The following SIPA1L3 variants were observed in gnomAD, a reference collection of about 807,000 sequenced individuals.
SIPA1L3 encodes signal-induced proliferation-associated 1-like protein 3.
SIPA1L3 carries 59 observed loss-of-function variants against 150.1 expected under a neutral mutation model. The ratio of observed to expected loss-of-function variants is 0.39; its 90% CI spans 0.32 to 0.49. The LOEUF (loss-of-function observed/expected upper bound fraction) is 0.49. Ranked by LOEUF, SIPA1L3 falls within the 20% of genes least tolerant of loss-of-function variation. The pLI is 0.86. For missense variants in SIPA1L3, 2,211 were observed against 2,489.5 expected, an observed-to-expected ratio of 0.89 and a Z score of 2.38; for synonymous variants, 1,070 against 1,077.6, an observed-to-expected ratio of 0.99 and a Z score of 0.14.
chr19:38,070,982 C>T (rs1362020377), intron 2 of SIPA1L3, among the ~76,000 whole-genome samples: 1 of 152,170 alleles, frequency 6.6e-6, no homozygotes, highest in Non-Finnish European at 1.5e-5. Flanking sequence ...GGTCCCTCTA[C>T]CTCTAAGCAA....
At chr19:38,181,800 T>C (rs1249212415) in intron 15 of SIPA1L3, among the ~76,000 whole-genome samples, 1 of 146,480 alleles carries the variant, frequency 6.8e-6, no homozygotes, top group Non-Finnish European at 1.5e-5. Context: ...GAGCTGAGAT[T>C]GCACCACTGC....
intron 17 of SIPA1L3, among the ~76,000 whole-genome samples, chr19:38,192,893 C>A (rs1343035961): frequency 1.3e-5 from 2 of 152,204 alleles, no homozygotes; most frequent in African/African-American, 2.4e-5. Flanking sequence ...CCCAGCGCTA[C>A]CCACTGGGGT....
chr19:38,132,906 C>T lies in SIPA1L3; in HGVS notation c.3143+2134C>T, dbSNP rs1971346746. Among the ~76,000 whole-genome samples the T allele has an allele frequency of 2.0e-5, 3 of 152,104 alleles. 1 individual carries two copies. In the South Asian group the frequency reaches 6.2e-4, roughly 32 times the overall value. ...CAGGTGTTCCACCCACCTCAGCCAC[C>T]CAAAGTGCTGGGATTACAGATGTGA... On this transcript the variant is annotated intron_variant, in intron 10 of 21. Coordinates refer to ENST00000222345, the MANE Select transcript of SIPA1L3 (RefSeq NM_015073.3).
At chr19:37,971,975 C>T (rs963168023) in intron 1 of SIPA1L3, among the ~76,000 whole-genome samples, 6 of 152,098 alleles carry the variant, frequency 3.9e-5, no homozygotes, top group Non-Finnish European at 8.8e-5. Flanking sequence ...TTTGCTTATC[C>T]AGGCATCACC....
At chr19:38,161,351 A>C (rs990993593) in intron 13 of SIPA1L3, among the ~76,000 whole-genome samples, 1 of 151,402 alleles carries the variant, frequency 6.6e-6, no homozygotes, top group South Asian at 2.1e-4. Flanking sequence ...AAAAAAAAAA[A>C]AAAAAAAAAA....
chr19:37,999,844 T>G (rs1967739744), intron 1 of SIPA1L3, among the ~76,000 whole-genome samples: 1 of 152,168 alleles, frequency 6.6e-6, no homozygotes, highest in Non-Finnish European at 1.5e-5. Flanking sequence ...AACCTAGCCC[T>G]GAATGAAGCT....
intron 2 of SIPA1L3, among the ~76,000 whole-genome samples, chr19:38,080,388 G>A (rs1204469444): frequency 1.3e-5 from 2 of 152,204 alleles, no homozygotes; most frequent in African/African-American, 4.8e-5. Context: ...CCACAGGACA[G>A]GTGACCCCTT....
intron 10 of SIPA1L3, among the ~76,000 whole-genome samples, chr19:38,134,622 A>G (rs1468123123): frequency 6.7e-6 from 1 of 149,312 alleles, no homozygotes; most frequent in East Asian, 2.0e-4. Context: ...CAGAAGAATC[A>G]CTTGAACCCA....
chr19:37,988,124 T>A (rs1338325057), intron 1 of SIPA1L3, among the ~76,000 whole-genome samples: 1 of 152,202 alleles, frequency 6.6e-6, no homozygotes. Context: ...TCCTGGTCTG[T>A]CCTCTGCACT....
At position 38,182,680 on chromosome 19, in the gene SIPA1L3, C is replaced by G. The variant is rs570219460; in HGVS notation, c.4370C>G (p.Thr1457Arg). ...SKQPVRNKHP[T>R]GWKRTEEPPP... is the part of the protein sequence containing the mutation. ...CAGCCTGTACGCAATAAGCACCCAACAGGGTGGAAGAGAACGGAGGAGCCC... is the reference window on the plus strand; with the variant it reads ...CAGCCTGTACGCAATAAGCACCCAAGAGGGTGGAAGAGAACGGAGGAGCCC... The change falls in exon 16 of 22, where the codon ACA becomes AGA. Residue 1457 changes from threonine (T) to arginine (R), a missense_variant. This residue lies in a region of SIPA1L3 where 806 missense variants were observed against 870.1 expected (regional missense o/e 0.93). Transcript: ENST00000222345. 2.2e-4 allele frequency: 356 copies of G among 1,614,188 alleles called. 2 individuals carry two copies. The South Asian group carries it at 3.7e-3, about 17-fold the overall frequency.
rs376240047 is a variant in SIPA1L3 at position 38,128,770 on chromosome 19, G to A, written c.2869-1728G>A. On this transcript the variant is annotated intron_variant, in intron 9 of 21. Coordinates refer to ENST00000222345, the MANE Select transcript of SIPA1L3 (RefSeq NM_015073.3). ...AAATTAGCTGGGTGTGGTGGCAGAT[G>A]CCTGTAATCCCACCTACTCGGGAGG... 3.5e-4 allele frequency among the ~76,000 whole-genome samples: 53 copies of A among 152,236 alleles called. No homozygotes were observed. The East Asian group carries it at 8.5e-3, about 24-fold the overall frequency.
chr19:38,024,096 C>T (rs1188946883), intron 1 of SIPA1L3, among the ~76,000 whole-genome samples: 8 of 151,838 alleles, frequency 5.3e-5, no homozygotes, highest in Non-Finnish European at 8.8e-5. Context: ...GGTGGAAATA[C>T]GAGGGTGGGG....
intron 7 of SIPA1L3, 59 bp downstream of exon 7, chr19:38,106,699 T>G (rs1970631752): frequency 8.6e-7 from 1 of 1,158,400 alleles, no homozygotes; most frequent in Non-Finnish European, 1.3e-6. Flanking sequence ...CCACCAGCAT[T>G]GGCCCTCCCA....
chr19:38,126,211 A>AACAG (rs1162929109), intron 9 of SIPA1L3, among the ~76,000 whole-genome samples: 1 of 152,010 alleles, frequency 6.6e-6, no homozygotes, highest in African/African-American at 2.4e-5. Flanking sequence ...AACAAAACAA[A>AACAG]AAAAAACACC....
At chr19:38,121,007 C>A (rs1275343130) in intron 9 of SIPA1L3, among the ~76,000 whole-genome samples, 3 of 152,196 alleles carry the variant, frequency 2.0e-5, no homozygotes, top group Non-Finnish European at 4.4e-5. Flanking sequence ...TATTTAGCTT[C>A]TTTGTGATTC....
At chr19:38,195,875 C>G (rs984559676) in intron 18 of SIPA1L3, among the ~76,000 whole-genome samples, 8 of 146,374 alleles carry the variant, frequency 5.5e-5, no homozygotes, top group Non-Finnish European at 1.1e-4. Flanking sequence ...CCTGAGCTGT[C>G]ACTAGATGAG....
chr19:38,045,783 T>C (rs113552667), intron 2 of SIPA1L3, among the ~76,000 whole-genome samples: 2 of 151,986 alleles, frequency 1.3e-5, no homozygotes, highest in African/African-American at 4.8e-5. Context: ...GAATAGTCTG[T>C]GTGCAGGTCC....
intron 1 of SIPA1L3, among the ~76,000 whole-genome samples, chr19:37,994,270 A>G (rs1967581099): frequency 6.6e-6 from 1 of 152,212 alleles, no homozygotes; most frequent in South Asian, 2.1e-4. Flanking sequence ...GTGAGGCTAA[A>G]GTTGGTACTT....
rs538139697 is a variant in SIPA1L3 at position 38,089,574 on chromosome 19, A to G, written c.1665+723A>G. Reference sequence around the variant, plus strand: ...GCAACAAGCCTCAGGCAGGACAGGAACTGGGGACTCTCAACCACAGGTACT... The same window carrying G: ...GCAACAAGCCTCAGGCAGGACAGGAGCTGGGGACTCTCAACCACAGGTACT... On this transcript the variant is annotated intron_variant, in intron 4 of 21. Coordinates refer to ENST00000222345, the MANE Select transcript of SIPA1L3 (RefSeq NM_015073.3). Among the ~76,000 whole-genome samples, 20 of 152,302 alleles carry G rather than the reference A, an allele frequency of 1.3e-4. No homozygotes were observed. The South Asian group carries it at 3.1e-3, about 24-fold the overall frequency.
Sources: allele counts gnomAD v4.1 joint callset (sites outside exome capture counted in the v4.1 genomes callset), GRCh38; gene constraint gnomAD v4.1.1; regional missense constraint gnomAD v4.1.1; transcripts MANE v1.5; gene names NCBI Gene and HGNC (gene_info 2026-07-23, HGNC 2026-07-21).